C1GALT1: variants seen among roughly 807,000 people sequenced by gnomAD.
C1GALT1 encodes glycoprotein-N-acetylgalactosamine 3-beta-galactosyltransferase 1.
C1GALT1 carries 11 observed loss-of-function variants against 31.0 expected under a neutral mutation model. That is an observed-to-expected ratio of 0.36 (90% confidence interval 0.22 to 0.59). The LOEUF (loss-of-function observed/expected upper bound fraction) is 0.59. Among genes scored for constraint, C1GALT1 ranks in the 20% least tolerant of loss-of-function variants. The probability of loss-of-function intolerance (pLI) is 0.79; values close to 1 mark genes in which losing one functional copy is unlikely to be tolerated. For synonymous variants in C1GALT1, 175 were observed against 143.6 expected, an observed-to-expected ratio of 1.22 and a Z score of -1.56; for missense variants, 424 against 425.2, an observed-to-expected ratio of 1.00 and a Z score of 0.03.
chr7:7,198,209 C>G (rs1265587430), intron 1 of C1GALT1, among the ~76,000 whole-genome samples: 2 of 152,206 alleles, frequency 1.3e-5, no homozygotes, highest in African/African-American at 4.8e-5. Context: ...TATGTCCCAT[C>G]AATACCTAAT....
intron 2 of C1GALT1, among the ~76,000 whole-genome samples, chr7:7,158,867 A>C (rs1780302405): frequency 6.6e-6 from 1 of 151,978 alleles, no homozygotes; most frequent in African/African-American, 2.4e-5. Context: ...CGGCCTATTG[A>C]TTTTCTTAAT....
intron 1 of C1GALT1, among the ~76,000 whole-genome samples, chr7:7,221,170 G>T (rs545217893): frequency 6.7e-6 from 1 of 149,314 alleles, no homozygotes; most frequent in African/African-American, 2.5e-5. Context: ...CCTCTAAAGT[G>T]ATCTTTAGTT....
At chr7:7,236,056 TC>T (rs1358539770) in intron 2 of C1GALT1, among the ~76,000 whole-genome samples, 1 of 152,214 alleles carries the variant, frequency 6.6e-6, no homozygotes. Context: ...TCTACCTAGG[TC>T]CCTATCTACT....
intron 1 of C1GALT1, among the ~76,000 whole-genome samples, chr7:7,232,696 G>A (rs1783144789): frequency 6.6e-6 from 1 of 152,036 alleles, no homozygotes; most frequent in South Asian, 2.1e-4. Flanking sequence ...CACCATGTTG[G>A]CCAGGCTGGT....
At chr7:7,185,390 G>A (rs1780769041) in intron 1 of C1GALT1, among the ~76,000 whole-genome samples, 1 of 152,088 alleles carries the variant, frequency 6.6e-6, no homozygotes, top group Admixed American at 6.5e-5. Flanking sequence ...CTAGGGCTGC[G>A]GTAACAAAAT....
At chr7:7,185,638 A>T (rs1041418072) in intron 1 of C1GALT1, among the ~76,000 whole-genome samples, 5 of 152,168 alleles carry the variant, frequency 3.3e-5, no homozygotes, top group Non-Finnish European at 7.4e-5. Context: ...CTGTCTTCAG[A>T]TGGTGTGCTC....
At chr7:7,221,022 G>A (rs11772534) in intron 1 of C1GALT1, among the ~76,000 whole-genome samples, 31,695 of 151,920 alleles carry the variant, frequency 0.21, 3,859 homozygotes, top group East Asian at 0.55. Context: ...TTTGACCCAC[G>A]CGTCCTGAGG....
chr7:7,220,988 C>G (rs968673571), intron 1 of C1GALT1, among the ~76,000 whole-genome samples: 5 of 124,180 alleles, frequency 4.0e-5, no homozygotes, highest in Non-Finnish European at 6.8e-5. Flanking sequence ...TTTTGTTCCT[C>G]TCTCTGAAAG....
intron 1 of C1GALT1, among the ~76,000 whole-genome samples, chr7:7,206,215 A>G (rs920118715): frequency 6.1e-4 from 73 of 120,488 alleles, no homozygotes; most frequent in African/African-American, 2.3e-3. Flanking sequence ...GTCTCAAGTT[A>G]TGTAAAAAAA....
chr7:7,239,098 C>T, intron 3 of C1GALT1, 176 bp downstream of exon 3: 2 of 592,384 alleles, frequency 3.4e-6, no homozygotes, highest in Non-Finnish European at 5.8e-6. Flanking sequence ...CAGCAATCAG[C>T]AGTAGTCACT....
At chr7:7,204,523 T>A (rs1000683258) in intron 1 of C1GALT1, among the ~76,000 whole-genome samples, 1 of 152,092 alleles carries the variant, frequency 6.6e-6, no homozygotes, top group Admixed American at 6.5e-5. Flanking sequence ...TTAGTTTCAT[T>A]GATTTTTCCA....
intron 1 of C1GALT1, among the ~76,000 whole-genome samples, chr7:7,185,298 C>T (rs911348703): frequency 3.9e-5 from 6 of 152,146 alleles, no homozygotes; most frequent in Admixed American, 6.5e-5. Context: ...CACATTTAAA[C>T]GGCTAGATGT....
chr7:7,226,697 T>A (rs896788238), intron 1 of C1GALT1, among the ~76,000 whole-genome samples: 1 of 152,118 alleles, frequency 6.6e-6, no homozygotes, highest in African/African-American at 2.4e-5. Flanking sequence ...TAAAAAAAAC[T>A]GCTTGCTGAA....
intron 1 of C1GALT1, among the ~76,000 whole-genome samples, chr7:7,217,995 C>T (rs1782326116): frequency 6.6e-6 from 1 of 152,208 alleles, no homozygotes; most frequent in African/African-American, 2.4e-5. Flanking sequence ...GAGCCCATAG[C>T]TGCCATTTGC....
chr7:7,196,723 C>G (rs747792755), intron 1 of C1GALT1, among the ~76,000 whole-genome samples: 3 of 152,168 alleles, frequency 2.0e-5, no homozygotes, highest in Non-Finnish European at 4.4e-5. Flanking sequence ...TCTCCAGCAC[C>G]TGTTGTTTCT....
At chr7:7,195,093 T>C (rs1781227425) in intron 1 of C1GALT1, among the ~76,000 whole-genome samples, 2 of 152,214 alleles carry the variant, frequency 1.3e-5, no homozygotes, top group Non-Finnish European at 2.9e-5. Context: ...CTGTCAATTT[T>C]GTTTATCTTT....
At chr7:7,173,973 T>C (rs940613687) in intron 2 of C1GALT1, among the ~76,000 whole-genome samples, 1 of 152,136 alleles carries the variant, frequency 6.6e-6, no homozygotes, top group Non-Finnish European at 1.5e-5. Context: ...ATTTACTTTC[T>C]CACAGTTCTG....
chr7:7,215,378 C>T (rs915288500), intron 1 of C1GALT1, among the ~76,000 whole-genome samples: 6 of 151,924 alleles, frequency 3.9e-5, no homozygotes, highest in South Asian at 2.1e-4. Flanking sequence ...CCTTATTATC[C>T]CTTTGCCAGT....
chr7:7,232,484 G>GTTT (rs67013405), intron 1 of C1GALT1, among the ~76,000 whole-genome samples: 2 of 132,884 alleles, frequency 1.5e-5, no homozygotes, highest in Non-Finnish European at 3.2e-5. Context: ...AAGGGCGTGG[G>GTTT]TTTTTTTTTT....
Sources: gnomAD v4.1 joint callset for allele counts (sites outside exome capture counted in the v4.1 genomes callset) on GRCh38, gnomAD v4.1.1 for gene constraint, MANE v1.5 for transcripts, NCBI Gene and HGNC (gene_info 2026-07-23, HGNC 2026-07-21) for gene names.